RBFOX1: variants seen among roughly 807,000 people sequenced by gnomAD.
RBFOX1 encodes RNA binding protein fox-1 homolog 1.
Under a neutral mutation model 57.7 loss-of-function variants are expected in RBFOX1, and 8 were observed. That is an observed-to-expected ratio of 0.14 (90% CI 0.08 to 0.25). RBFOX1 has a LOEUF of 0.25. Ranked by LOEUF, RBFOX1 falls within the 10% of genes least tolerant of loss-of-function variation. The probability of loss-of-function intolerance (pLI) is 1.00; values close to 1 mark genes in which losing one functional copy is unlikely to be tolerated. For missense variants in RBFOX1, 611 were observed against 548.5 expected, an observed-to-expected ratio of 1.11 and a Z score of -1.14; for synonymous variants, 326 against 222.4, an observed-to-expected ratio of 1.47 and a Z score of -4.15.
chr16:7,314,352 T>A (rs1051539754), intron 4 of RBFOX1, among the ~76,000 whole-genome samples: 5 of 152,134 alleles, frequency 3.3e-5, no homozygotes, highest in Non-Finnish European at 5.9e-5. Flanking sequence ...GGGAGTGGGG[T>A]CCTGCCTTGC....
chr16:6,948,803 T>G (rs942838680), intron 3 of RBFOX1, among the ~76,000 whole-genome samples: 9 of 152,194 alleles, frequency 5.9e-5, no homozygotes, highest in African/African-American at 2.2e-4. Flanking sequence ...TTCTGATAAT[T>G]TTAGCCTAAA....
chr16:6,625,218 C>A (rs921678443), intron 2 of RBFOX1, among the ~76,000 whole-genome samples: 2 of 146,986 alleles, frequency 1.4e-5, no homozygotes, highest in South Asian at 2.2e-4. Context: ...GAGTGGCACA[C>A]CCCCAAAACA....
intron 3 of RBFOX1, among the ~76,000 whole-genome samples, chr16:6,918,446 T>C (rs2073744718): frequency 6.6e-6 from 1 of 152,160 alleles, no homozygotes; most frequent in Non-Finnish European, 1.5e-5. Context: ...ACTTCATACA[T>C]GCAGAGTAAA....
chr16:7,489,515 AT>A (rs33967711), intron 4 of RBFOX1, among the ~76,000 whole-genome samples: 73,133 of 150,270 alleles, frequency 0.49, 18,278 homozygotes, highest in East Asian at 0.8. Context: ...TATTATTATT[AT>A]TTTTTTTTTG....
chr16:7,054,541 T>TGGGGG (rs752782535), intron 4 of RBFOX1, among the ~76,000 whole-genome samples: 6 of 45,962 alleles, frequency 1.3e-4, no homozygotes, highest in Non-Finnish European at 2.1e-4. Context: ...GCGCCAAACC[T>TGGGGG]GGGTGGGGGG....
intron 14 of RBFOX1, among the ~76,000 whole-genome samples, chr16:7,689,082 G>C (rs890509892): frequency 6.6e-6 from 1 of 151,982 alleles, no homozygotes; most frequent in Admixed American, 6.6e-5. Context: ...TCTACAAGAC[G>C]AGGATAAAAA....
At chr16:5,904,372 G>C (rs1208260269) in intron 4 of RBFOX1, among the ~76,000 whole-genome samples, 2 of 152,030 alleles carry the variant, frequency 1.3e-5, no homozygotes, top group Non-Finnish European at 2.9e-5. Flanking sequence ...TCCATCACTT[G>C]GGGACAGGTG....
chr16:6,404,522 C>T (rs1003091173), intron 2 of RBFOX1, among the ~76,000 whole-genome samples: 4 of 152,094 alleles, frequency 2.6e-5, no homozygotes, highest in African/African-American at 4.8e-5. Flanking sequence ...AAATGGAGTG[C>T]GTGTGTGTTC....
intron 2 of RBFOX1, among the ~76,000 whole-genome samples, chr16:6,325,817 T>A (rs974970087): frequency 6.6e-6 from 1 of 152,218 alleles, no homozygotes; most frequent in Admixed American, 6.5e-5. Context: ...CAGAATGGTT[T>A]TATTTTCCTA....
At chr16:6,820,741 C>G (rs931030006) in intron 3 of RBFOX1, among the ~76,000 whole-genome samples, 6 of 152,098 alleles carry the variant, frequency 3.9e-5, no homozygotes, top group Non-Finnish European at 8.8e-5. Flanking sequence ...TTAAGAGCCT[C>G]TATAGGCCTC....
intron 3 of RBFOX1, among the ~76,000 whole-genome samples, chr16:5,724,931 T>G (rs1370608559): frequency 6.6e-6 from 1 of 152,202 alleles, no homozygotes; most frequent in Non-Finnish European, 1.5e-5. Flanking sequence ...ATCAGCGTCT[T>G]TAACAGTCTG....
At chr16:5,835,382 A>G (rs1025528916) in intron 3 of RBFOX1, among the ~76,000 whole-genome samples, 6 of 152,206 alleles carry the variant, frequency 3.9e-5, no homozygotes, top group Non-Finnish European at 5.9e-5. Context: ...TTTGTAGAAA[A>G]CGGTGCTACA....
chr16:7,262,962 C>T (rs537129956), intron 4 of RBFOX1, among the ~76,000 whole-genome samples: 2 of 152,276 alleles, frequency 1.3e-5, no homozygotes, highest in African/African-American at 2.4e-5. Flanking sequence ...TTTCTGGGAC[C>T]TCCACTTACT....
intron 3 of RBFOX1, among the ~76,000 whole-genome samples, chr16:6,694,486 C>G (rs899933259): frequency 1.3e-5 from 2 of 152,250 alleles, no homozygotes; most frequent in East Asian, 1.9e-4. Context: ...TGATCCAAAC[C>G]TGCCTGACCC....
intron 3 of RBFOX1, among the ~76,000 whole-genome samples, chr16:7,029,046 CTATATATATATATATATATATA>C (rs1225538161): frequency 6.6e-5 from 3 of 45,210 alleles, no homozygotes; most frequent in East Asian, 5.2e-4. Flanking sequence ...AAAAAAAAAG[CTATATATATATATATATATATA>C]TATATATATA....
chr16:5,829,321 T>A (rs1353861586), intron 3 of RBFOX1, among the ~76,000 whole-genome samples: 1 of 152,184 alleles, frequency 6.6e-6, no homozygotes, highest in Non-Finnish European at 1.5e-5. Context: ...GGGAGTCACA[T>A]GATGAGCTAT....
chr16:6,687,081 A>C (rs2059544665), intron 3 of RBFOX1, among the ~76,000 whole-genome samples: 1 of 152,260 alleles, frequency 6.6e-6, no homozygotes, highest in African/African-American at 2.4e-5. Flanking sequence ...CTAGTTCCTG[A>C]AAGAATCACA....
intron 14 of RBFOX1, among the ~76,000 whole-genome samples, chr16:7,679,726 C>T (rs1363738330): frequency 6.6e-6 from 1 of 151,984 alleles, no homozygotes; most frequent in East Asian, 2.0e-4. Context: ...TTGCAACTCC[C>T]TGCCCATCAT....
chr16:5,590,122 G>C (rs916787764), intron 2 of RBFOX1, among the ~76,000 whole-genome samples: 1 of 152,092 alleles, frequency 6.6e-6, no homozygotes, highest in Admixed American at 6.6e-5. Context: ...CCTTGAAATT[G>C]ATTTCTTTAT....
Sources: allele counts gnomAD v4.1 joint callset (sites outside exome capture counted in the v4.1 genomes callset), GRCh38; gene constraint gnomAD v4.1.1; transcripts MANE v1.5; gene names NCBI Gene and HGNC (gene_info 2026-07-23, HGNC 2026-07-21).